ZNF430: variants seen among roughly 807,000 people sequenced by gnomAD.
ZNF430 encodes zinc finger protein 430.
In ZNF430, 35 loss-of-function variants were observed where a neutral mutation model predicts 56.7. That is an observed-to-expected ratio of 0.62 (90% CI 0.47 to 0.82). The LOEUF is 0.82. Ranked by LOEUF, ZNF430 falls within the 40% of genes least tolerant of loss-of-function variation. The pLI is 0.00. For synonymous variants in ZNF430, 212 were observed against 224.3 expected (o/e 0.94, Z 0.49); for missense variants, 574 against 661.0 (o/e 0.87, Z 1.44).
chr19:21,042,425 C>T (rs530226129), intron 4 of ZNF430, among the ~76,000 whole-genome samples: 5 of 152,194 alleles, frequency 3.3e-5, no homozygotes, highest in East Asian at 3.9e-4. Flanking sequence ...ACATTCTCAC[C>T]GACAGTGTAA....
Position 21,044,656 on chromosome 19 carries a change from G to A in ZNF430, c.322+10472G>A, listed in dbSNP as rs553555049. On this transcript the variant is annotated intron_variant, in intron 4 of 4. Transcript: ENST00000261560. ...CATTTGGAATAGTTTCAGAAGAAAT[G>A]GTACCAACTCCTCTTTGTACCTCTG... Among the ~76,000 whole-genome samples, 9 of 152,160 alleles carry A rather than the reference G, an allele frequency of 5.9e-5. No homozygotes were observed. In the East Asian group the frequency reaches 1.7e-3, roughly 29 times the overall value.
intron 4 of ZNF430, among the ~76,000 whole-genome samples, chr19:21,052,264 T>A (rs1290573762): frequency 1.3e-5 from 2 of 152,188 alleles, no homozygotes; most frequent in Non-Finnish European, 2.9e-5. Flanking sequence ...GAATGTTGTA[T>A]GAGCTACTGA....
intron 4 of ZNF430, among the ~76,000 whole-genome samples, chr19:21,055,794 G>C (rs967932118): frequency 4.6e-5 from 7 of 152,040 alleles, no homozygotes; most frequent in Admixed American, 1.3e-4. Context: ...TGCTACACCT[G>C]TTTTCTGTGT....
intron 4 of ZNF430, among the ~76,000 whole-genome samples, chr19:21,055,109 G>A (rs2164988): frequency 0.94 from 142,599 of 152,154 alleles, 66,910 homozygotes; most frequent in Middle Eastern, 0.97. Context: ...CTATGTTTCT[G>A]TGTCACTCAC....
chr19:21,054,737 G>A (rs1327780296), intron 4 of ZNF430, among the ~76,000 whole-genome samples: 4 of 131,584 alleles, frequency 3.0e-5, no homozygotes, highest in Admixed American at 9.2e-5. Flanking sequence ...GTGCAGTGGC[G>A]CATCTCCGCT....
At chr19:21,023,464 T>C (rs1307753201) in intron 2 of ZNF430, among the ~76,000 whole-genome samples, 3 of 152,152 alleles carry the variant, frequency 2.0e-5, no homozygotes, top group African/African-American at 2.4e-5. Flanking sequence ...AGAAAAAAAA[T>C]AGTATCTAAT....
At chr19:21,023,123 CACTG>C (rs1034308993) in intron 2 of ZNF430, among the ~76,000 whole-genome samples, 7 of 152,170 alleles carry the variant, frequency 4.6e-5, no homozygotes, top group Admixed American at 4.6e-4. Flanking sequence ...AAAAGAAAAA[CACTG>C]ACCCCAGTGA....
intron 4 of ZNF430, among the ~76,000 whole-genome samples, chr19:21,046,050 G>A (rs575647703): frequency 7.2e-5 from 11 of 152,214 alleles, no homozygotes; most frequent in African/African-American, 2.6e-4. Flanking sequence ...GGCCAGCCAC[G>A]GTGGCTTATG....
chr19:21,053,901 T>G (rs1174615931), intron 4 of ZNF430, among the ~76,000 whole-genome samples: 2 of 152,146 alleles, frequency 1.3e-5, no homozygotes, highest in African/African-American at 4.8e-5. Context: ...TTTTACTTCT[T>G]TCTTATTTTG....
intron 4 of ZNF430, among the ~76,000 whole-genome samples, chr19:21,042,745 G>A (rs543988020): frequency 6.6e-5 from 10 of 151,514 alleles, no homozygotes; most frequent in East Asian, 3.9e-4. Flanking sequence ...CCGAGATCGC[G>A]CCACTGCACT....
chr19:21,034,955 T>G (rs1967971740), intron 4 of ZNF430: 1 of 152,206 alleles, frequency 6.6e-6, no homozygotes, highest in Non-Finnish European at 1.5e-5. Flanking sequence ...ATTCTGTTCT[T>G]ATTACTATAT....
At chr19:21,055,614 A>T (rs1318832602) in intron 4 of ZNF430, among the ~76,000 whole-genome samples, 1 of 151,868 alleles carries the variant, frequency 6.6e-6, no homozygotes, top group Non-Finnish European at 1.5e-5. Context: ...ACACCTGGCT[A>T]ACTTTTCTTT....
Position 21,057,198 on chromosome 19 carries a change from C to T in ZNF430, c.890C>T (p.Thr297Ile). 6.2e-7 allele frequency: 1 copy of T among 1,613,408 alleles called. No individual in the cohort carries two copies. The change falls in exon 5 of 5, where the codon ACC becomes ATC. Residue 297 changes from threonine (T) to isoleucine (I), a missense_variant. Thr to Ile is a moderately conservative substitution (Grantham distance 89). Transcript: ENST00000261560. ...TACAGATGTGAAGAATGTGGCAAAA[C>T]CTTTAACCGGTCCTCACACCTTACT... ...KPYRCEECGK[T>I]FNRSSHLTTH...
rs373575225 is a variant in ZNF430 at position 21,056,738 on chromosome 19, C to A, written c.430C>A (p.Gln144Lys). The A allele has an allele frequency of 1.3e-5, 21 of 1,610,552 alleles. No individual in the cohort carries two copies. Among genetic ancestry groups the A allele is most frequent in the Non-Finnish European group, 1.8e-5 (21 of 1,178,594 alleles). The change falls in exon 5 of 5, where the codon CAG becomes AAG. Residue 144 changes from glutamine to lysine, a missense_variant. Around this residue, in one of 3 missense-constraint regions of ZNF430, gnomAD observed 346 missense variants for 399.1 expected, o/e 0.87. Coordinates refer to ENST00000261560, the MANE Select transcript of ZNF430 (RefSeq NM_025189.4). ...RYGKCGHEDL[Q>K]LRTGCKSVDE... The stretch of plus-strand genomic sequence containing the variant: ...TGGAAAATGTGGACATGAAGATTTA[C>A]AGTTAAGAACAGGCTGTAAAAGTGT...
At chr19:21,030,933 A>G (rs1967891510) in intron 2 of ZNF430, among the ~76,000 whole-genome samples, 1 of 152,000 alleles carries the variant, frequency 6.6e-6, no homozygotes, top group South Asian at 2.1e-4. Context: ...CCCAGTCTGG[A>G]GTGCAATGGC....
In ZNF430 at chr19:21,030,224, A is replaced by G. The variant is rs551961643; in HGVS notation, c.97-3232A>G. 2.8e-4 allele frequency among the ~76,000 whole-genome samples: 43 copies of G among 152,290 alleles called. 2 individuals are homozygous for G. In the South Asian group the frequency reaches 8.7e-3, roughly 31 times the overall value. ...TACACAATAAAAATTTCTCTAAACTACATTAAACTTTTTCTATGTTCTTCT... is the reference window on the plus strand; with the variant it reads ...TACACAATAAAAATTTCTCTAAACTGCATTAAACTTTTTCTATGTTCTTCT... On this transcript the variant is annotated intron_variant, in intron 2 of 4. Transcript: ENST00000261560.
chr19:21,020,854 T>C (rs1974284296), intron 1 of ZNF430, 51 bp downstream of exon 1: 3 of 1,612,372 alleles, frequency 1.9e-6, no homozygotes, highest in African/African-American at 1.3e-5. Flanking sequence ...CTGGTTGTAA[T>C]GGGTGGGAAG....
intron 4 of ZNF430, among the ~76,000 whole-genome samples, chr19:21,041,054 T>C (rs774143342): frequency 2.8e-4 from 42 of 152,334 alleles, no homozygotes; most frequent in Non-Finnish European, 2.6e-4. Context: ...AATGCTAAAA[T>C]GAGTCTGTTA....
Position 21,022,901 on chromosome 19 carries a change from A to C in ZNF430, c.96+20A>C. On this transcript the variant is annotated intron_variant, in intron 2 of 4. Transcript: ENST00000261560. ...GAAAAGGTAACCCCTTGAGATGTTA[A>C]AATTGTCTTCACCCAACCCAGCTTT... 9 of 1,565,110 alleles carry C rather than the reference A, an allele frequency of 5.8e-6. No homozygotes were observed. Among genetic ancestry groups the C allele is most frequent in the Non-Finnish European group, 7.9e-6 (9 of 1,135,430 alleles).
Sources: allele counts gnomAD v4.1 joint callset (sites outside exome capture counted in the v4.1 genomes callset), GRCh38; gene constraint gnomAD v4.1.1; regional missense constraint gnomAD v4.1.1; transcripts MANE v1.5; gene names NCBI Gene and HGNC (gene_info 2026-07-23, HGNC 2026-07-21).